Variants in DROSHA observed in about 807,000 individuals in gnomAD.
The protein encoded by DROSHA is ribonuclease 3.
DROSHA carries 56 observed loss-of-function variants against 181.9 expected under a neutral mutation model. The observed-to-expected ratio is 0.31, with a 90% CI of 0.25 to 0.38. DROSHA has a LOEUF of 0.38. Ranked by LOEUF, DROSHA falls within the 10% of genes least tolerant of loss-of-function variation. DROSHA has a pLI of 1.00. For synonymous variants in DROSHA, 524 were observed against 591.2 expected (o/e 0.89, Z 1.65); for missense variants, 1,218 against 1,743.5 (o/e 0.70, Z 5.37).
intron 11 of DROSHA, among the ~76,000 whole-genome samples, chr5:31,500,698 T>A (rs1301314639): frequency 6.6e-6 from 1 of 152,172 alleles, no homozygotes; most frequent in African/African-American, 2.4e-5. Context: ...CAGGGCTGAC[T>A]ACAAAAGTGG....
In DROSHA at chr5:31,451,569, C is replaced by T; in HGVS notation, c.2646G>A (p.Leu882=). 8 of 1,612,656 alleles carry T rather than the reference C, an allele frequency of 5.0e-6. No individual in the cohort carries two copies. The highest frequency in any genetic ancestry group is 6.8e-6 in the Non-Finnish European group (8 of 1,179,376). ...AACGATCTTGGAAAGTATATCCTATCAACTTGTCCAAATGCATTAGGCATT... is the reference window on the plus strand; with the variant it reads ...AACGATCTTGGAAAGTATATCCTATTAACTTGTCCAAATGCATTAGGCATT... ...YHQCLMHLDK[L]IGYTFQDRCL... Residue 882 remains leucine (L), a synonymous_variant, in exon 21 of 36, where the codon TTG becomes TTA. Transcript: ENST00000344624.
rs12518988 is a variant in DROSHA, at chr5:31,415,822, T to C, written c.3526-4935A>G. Among the ~76,000 whole-genome samples the C allele has an allele frequency of 9.1e-3, 1,393 of 152,302 alleles. 76 individuals are homozygous for C. The highest frequency in any genetic ancestry group is 0.082 in the Admixed American group (1,252 of 15,292). On this transcript the variant is annotated intron_variant, in intron 30 of 35. Coordinates refer to ENST00000344624, the MANE Select transcript of DROSHA (RefSeq NM_001382508.1). ...TCCAAGGGTTACATTACAGGCATCCTGGCCTGTGTAAACACTTAATTTGAG... is the reference window on the plus strand; with the variant it reads ...TCCAAGGGTTACATTACAGGCATCCCGGCCTGTGTAAACACTTAATTTGAG...
chr5:31,436,393 CTTT>C (rs5867078), intron 24 of DROSHA, among the ~76,000 whole-genome samples: 16 of 133,090 alleles, frequency 1.2e-4, no homozygotes, highest in Admixed American at 2.2e-4. Context: ...GCCCCTATTC[CTTT>C]TTTTTTTTTT....
At chr5:31,422,285 A>T (rs1188735259) in intron 29 of DROSHA, among the ~76,000 whole-genome samples, 3 of 152,018 alleles carry the variant, frequency 2.0e-5, no homozygotes, top group Non-Finnish European at 4.4e-5. Flanking sequence ...CAAAGAAGTA[A>T]AATTTTGCTT....
chr5:31,491,920 A>G (rs917274049), intron 13 of DROSHA, among the ~76,000 whole-genome samples: 1 of 152,126 alleles, frequency 6.6e-6, no homozygotes, highest in African/African-American at 2.4e-5. Context: ...TCAACCTCTC[A>G]AGTAGCTGGG....
intron 25 of DROSHA, among the ~76,000 whole-genome samples, chr5:31,434,078 G>A (rs1331730928): frequency 6.6e-6 from 1 of 152,186 alleles, no homozygotes; most frequent in African/African-American, 2.4e-5. Context: ...AGTACTATGG[G>A]AATGGCAAGC....
intron 23 of DROSHA, among the ~76,000 whole-genome samples, chr5:31,447,233 G>A (rs570762255): frequency 2.6e-4 from 39 of 152,292 alleles, no homozygotes; most frequent in African/African-American, 9.4e-4. Context: ...GGGCCTTTCG[G>A]AAGGTGGAGA....
Position 31,493,012 on chromosome 5 carries a change from C to T in DROSHA, c.1842+195G>A, listed in dbSNP as rs142327946. Among the ~76,000 whole-genome samples, 489 of 152,298 alleles carry T rather than the reference C, an allele frequency of 3.2e-3. 2 individuals carry two copies. Among genetic ancestry groups the T allele is most frequent in the African/African-American group, 0.011 (461 of 41,556 alleles). On this transcript the variant is annotated intron_variant, in intron 13 of 35. Transcript: ENST00000344624. ...TACACCATTTAATGCAGACCGAACCCGTGACTCATTAGCACAGATGTCACA... is the reference window on the plus strand; with the variant it reads ...TACACCATTTAATGCAGACCGAACCTGTGACTCATTAGCACAGATGTCACA...
intron 11 of DROSHA, among the ~76,000 whole-genome samples, chr5:31,500,097 C>G (rs1259499913): frequency 6.6e-6 from 1 of 152,300 alleles, no homozygotes; most frequent in Non-Finnish European, 1.5e-5. Flanking sequence ...CAATTAAGAG[C>G]AACCACTCAC....
chr5:31,439,727 G>A (rs1210347952), intron 23 of DROSHA, among the ~76,000 whole-genome samples: 2 of 152,116 alleles, frequency 1.3e-5, no homozygotes, highest in Non-Finnish European at 2.9e-5. Flanking sequence ...TTGGAAGGAT[G>A]GGGAGGGATG....
At chr5:31,502,991 T>C (rs1203057728) in intron 11 of DROSHA, among the ~76,000 whole-genome samples, 1 of 151,998 alleles carries the variant, frequency 6.6e-6, no homozygotes, top group Non-Finnish European at 1.5e-5. Context: ...GATTGGAAGA[T>C]GATGGATGAG....
intron 14 of DROSHA, among the ~76,000 whole-genome samples, chr5:31,486,070 A>C (rs1751711230): frequency 6.6e-6 from 1 of 152,228 alleles, no homozygotes; most frequent in African/African-American, 2.4e-5. Flanking sequence ...AATTAGGAAA[A>C]ATATGTAAAT....
At chr5:31,431,766 C>T (rs146307041) in intron 25 of DROSHA, 88 bp from the exon 26 acceptor site, 8 of 1,237,470 alleles carry the variant, frequency 6.5e-6, no homozygotes, top group South Asian at 2.5e-5. Context: ...AGAGTTGGTG[C>T]GGAGACGAGA....
intron 23 of DROSHA, among the ~76,000 whole-genome samples, chr5:31,439,635 T>C (rs537066996): frequency 9.9e-5 from 15 of 152,280 alleles, no homozygotes; most frequent in East Asian, 5.8e-4. Context: ...TTAAACTTCA[T>C]AATAGGTACG....
intron 30 of DROSHA, among the ~76,000 whole-genome samples, chr5:31,420,894 T>C (rs1016618499): frequency 1.3e-5 from 2 of 152,254 alleles, no homozygotes; most frequent in African/African-American, 4.8e-5. Flanking sequence ...TTAAGCTTTC[T>C]ATAGTGTGTA....
At chr5:31,518,951 T>C (rs1739572653) in intron 6 of DROSHA, among the ~76,000 whole-genome samples, 2 of 152,200 alleles carry the variant, frequency 1.3e-5, no homozygotes, top group Admixed American at 1.3e-4. Flanking sequence ...TAATATTTTT[T>C]TTAACACTTT....
chr5:31,488,076 T>C (rs997742057), intron 13 of DROSHA, among the ~76,000 whole-genome samples: 16 of 152,050 alleles, frequency 1.1e-4, no homozygotes, highest in African/African-American at 3.6e-4. Flanking sequence ...AAAAAAAGTA[T>C]AAAGTATAAA....
At chr5:31,421,456 G>C in intron 29 of DROSHA, 79 bp from the exon 30 acceptor site, 1 of 1,160,158 alleles carries the variant, frequency 8.6e-7, no homozygotes, top group Non-Finnish European at 1.3e-6. Flanking sequence ...TTTTAAAAAA[G>C]GAATGACTTA....
In DROSHA at chr5:31,409,294, A is replaced by G. The variant is rs1174904836; in HGVS notation, c.3706T>C (p.Tyr1236His). 1 of 1,590,660 alleles carries G rather than the reference A, an allele frequency of 6.3e-7. No individual in the cohort carries two copies. The highest frequency in any genetic ancestry group is 8.6e-7 in the Non-Finnish European group (1 of 1,167,622). ...CAGACATTCATGAAAGTATGAACAT[A>G]TTCCAAATCCTTATCAATGTACAGC... ...AALYIDKDLE[Y>H]VHTFMNVCFF... The change falls in exon 32 of 36, where the codon TAT becomes CAT. Residue 1236 changes from tyrosine to histidine, a missense_variant. By Grantham distance (83) the Tyr-to-His change is moderately conservative. Around this residue, in one of 8 missense-constraint regions of DROSHA, gnomAD observed 47 missense variants for 70.6 expected, o/e 0.67. Transcript: ENST00000344624. This position sits in a 1 kb window ranked among gnomAD's most constrained non-coding sequence, Gnocchi z 4.0.
Sources: gnomAD v4.1 joint callset for allele counts (sites outside exome capture counted in the v4.1 genomes callset) on GRCh38, gnomAD v4.1.1 for gene constraint, gnomAD v4.1.1 regional missense constraint, Gnocchi (gnomAD v3.1) non-coding constraint, MANE v1.5 for transcripts, NCBI Gene and HGNC (gene_info 2026-07-23, HGNC 2026-07-21) for gene names.